NBAS: variants seen among roughly 807,000 people sequenced by gnomAD.
The protein encoded by NBAS is NAG/BC035112 fusion.
NBAS carries 219 observed loss-of-function variants against 302.5 expected under a neutral mutation model. The ratio of observed to expected loss-of-function variants is 0.72; its 90% CI spans 0.65 to 0.81. NBAS has a LOEUF of 0.81. NBAS is among the 30% of genes least tolerant of loss of function. The pLI is 0.00. For synonymous variants in NBAS, 1,118 were observed against 1,021.6 expected (o/e 1.09, Z -1.80); for missense variants, 2,932 against 2,841.6 (o/e 1.03, Z -0.72).
chr2:15,058,834 AT>A, the NBAS span, among the ~76,000 whole-genome samples: 2 of 152,070 alleles, frequency 1.3e-5, no homozygotes, highest in African/African-American at 4.8e-5. Context: ...TTAGCTGACT[AT>A]TTGTTGACTT....
chr2:15,350,515 G>A (rs1673301688), intron 35 of NBAS, among the ~76,000 whole-genome samples: 1 of 152,158 alleles, frequency 6.6e-6, no homozygotes, highest in Non-Finnish European at 1.5e-5. Context: ...AAACAGTCAT[G>A]AAAAGTTAAA....
In NBAS at chr2:15,219,332, A is replaced by AT. The variant is rs1186573193; in HGVS notation, c.6237-365dup. Among the ~76,000 whole-genome samples, 1,072 of 137,234 alleles carry AT rather than the reference A, an allele frequency of 7.8e-3. 24 individuals carry two copies. Among genetic ancestry groups the AT allele is most frequent in the Admixed American group, 0.052 (703 of 13,418 alleles). The allele number at this position is 137,234 out of a possible 152,430, so 90.0% of individuals were successfully genotyped here. A position where few individuals can be genotyped will look rare whatever the true frequency, so the allele number is the denominator to read the frequency against. On this transcript the variant is annotated intron_variant, in intron 47 of 51. Transcript: ENST00000281513. The stretch of plus-strand genomic sequence containing the variant: ...TTTTTTTTTCTTTTCTTTTTTTTTA[A>AT]TTTTTTTTTTTATTGATCATTCTTG...
At chr2:15,333,309 C>T (rs1024834855) in intron 35 of NBAS, among the ~76,000 whole-genome samples, 11 of 152,008 alleles carry the variant, frequency 7.2e-5, no homozygotes, top group African/African-American at 2.4e-4. Context: ...AGCCACAGAA[C>T]GCAGCACAGA....
chr2:14,892,652 T>C, the NBAS span, among the ~76,000 whole-genome samples: 1 of 151,712 alleles, frequency 6.6e-6, no homozygotes, highest in Non-Finnish European at 1.5e-5. Context: ...CAGCATCGAT[T>C]GATTAAATCA....
the NBAS span, among the ~76,000 whole-genome samples, chr2:15,157,804 A>G: frequency 6.6e-6 from 1 of 152,234 alleles, no homozygotes; most frequent in African/African-American, 2.4e-5. Context: ...CATTCCCAGC[A>G]TTGCTGCTTG....
chr2:14,989,185 A>ATAG, the NBAS span, among the ~76,000 whole-genome samples: 1 of 152,144 alleles, frequency 6.6e-6, no homozygotes, highest in African/African-American at 2.4e-5. Context: ...AGATAACTCT[A>ATAG]TAGTCATGTT....
At chr2:15,295,565 G>A (rs1341869914) in intron 40 of NBAS, among the ~76,000 whole-genome samples, 1 of 152,180 alleles carries the variant, frequency 6.6e-6, no homozygotes, top group East Asian at 1.9e-4. Context: ...AGACCTGGTA[G>A]GAAGCAGGTG....
the NBAS span, among the ~76,000 whole-genome samples, chr2:14,897,518 C>T: frequency 2.8e-4 from 42 of 152,194 alleles, no homozygotes; most frequent in African/African-American, 9.9e-4. Context: ...ATTGATTGTC[C>T]TCTCTCTTGT....
the NBAS span, among the ~76,000 whole-genome samples, chr2:14,789,676 C>T: frequency 1.3e-5 from 2 of 152,140 alleles, no homozygotes; most frequent in African/African-American, 4.8e-5. Flanking sequence ...TAAAATGATC[C>T]TAAAAGTAAT....
chr2:15,128,067 T>A, the NBAS span, among the ~76,000 whole-genome samples: 1 of 152,168 alleles, frequency 6.6e-6, no homozygotes, highest in African/African-American at 2.4e-5. Flanking sequence ...AAACAAGCTC[T>A]TTGTTCTCTC....
At chr2:15,219,072 ACTT>A in intron 47 of NBAS, 104 bp from the exon 48 acceptor site, 1 of 1,422,686 alleles carries the variant, frequency 7.0e-7, no homozygotes, top group Non-Finnish European at 9.6e-7. Flanking sequence ...TTGTTGGATG[ACTT>A]CGTTTTTTTC....
At chr2:15,202,520 GTTTATTTA>G (rs57260326) in intron 48 of NBAS, among the ~76,000 whole-genome samples, 61,153 of 149,678 alleles carry the variant, frequency 0.41, 13,513 homozygotes, top group African/African-American at 0.6. Flanking sequence ...GTGTTTGTTT[GTTTATTTA>G]TTTATTTATT....
intron 47 of NBAS, among the ~76,000 whole-genome samples, chr2:15,222,704 TCA>T (rs2147897946): frequency 6.6e-6 from 1 of 152,306 alleles, no homozygotes; most frequent in East Asian, 1.9e-4. Flanking sequence ...TTGTCCAAGG[TCA>T]CACAGTAAGT....
chr2:15,289,696 T>A (rs1670213721), intron 41 of NBAS, among the ~76,000 whole-genome samples: 1 of 152,112 alleles, frequency 6.6e-6, no homozygotes, highest in Non-Finnish European at 1.5e-5. Context: ...AGAAAACTAA[T>A]GCCATGAAAA....
At chr2:14,986,743 A>G in the NBAS span, among the ~76,000 whole-genome samples, 3 of 152,098 alleles carry the variant, frequency 2.0e-5, no homozygotes, top group Non-Finnish European at 2.9e-5. Context: ...CCCTAAAGCA[A>G]TCTGTAAGAA....
chr2:14,922,264 A>G, the NBAS span, among the ~76,000 whole-genome samples: 2 of 152,252 alleles, frequency 1.3e-5, no homozygotes, highest in South Asian at 4.1e-4. Flanking sequence ...TAAGATAAGC[A>G]GGTAGGGCTG....
At chr2:15,359,062 G>A (rs762130875) in intron 32 of NBAS, among the ~76,000 whole-genome samples, 32 of 152,128 alleles carry the variant, frequency 2.1e-4, no homozygotes, top group Non-Finnish European at 3.7e-4. Flanking sequence ...AACTCAGTTG[G>A]AACAGAGACT....
At chr2:15,553,057 C>A (rs1208549878) in intron 5 of NBAS, among the ~76,000 whole-genome samples, 1 of 152,146 alleles carries the variant, frequency 6.6e-6, no homozygotes, top group African/African-American at 2.4e-5. Flanking sequence ...CCCGCCTCGG[C>A]CTCCCAAAGT....
the NBAS span, among the ~76,000 whole-genome samples, chr2:15,024,449 G>A: frequency 2.7e-4 from 41 of 152,144 alleles, no homozygotes; most frequent in Non-Finnish European, 4.9e-4. Flanking sequence ...TGTCTTTATG[G>A]TAGAATAATT....
Sources: gnomAD v4.1 joint callset for allele counts (sites outside exome capture counted in the v4.1 genomes callset) on GRCh38, gnomAD v4.1.1 for gene constraint, MANE v1.5 for transcripts, NCBI Gene and HGNC (gene_info 2026-07-23, HGNC 2026-07-21) for gene names.